The following TTC39C variants were observed in gnomAD, a reference collection of about 807,000 sequenced individuals.
TTC39C encodes tetratricopeptide repeat domain 39C.
TTC39C carries 33 observed loss-of-function variants against 76.3 expected under a neutral mutation model. The ratio of observed to expected loss-of-function variants is 0.43; its 90% confidence interval spans 0.33 to 0.58. TTC39C has a LOEUF of 0.58. TTC39C is among the 20% of genes least tolerant of loss of function. The pLI is 0.04. For missense variants in TTC39C, 595 were observed against 701.4 expected (o/e 0.85, Z 1.71); for synonymous variants, 254 against 260.6 (o/e 0.97, Z 0.24).
At chr18:24,059,347 C>T (rs1464056301) in intron 1 of TTC39C, among the ~76,000 whole-genome samples, 3 of 151,864 alleles carry the variant, frequency 2.0e-5, no homozygotes, top group Non-Finnish European at 4.4e-5. Flanking sequence ...TTATTTTTTC[C>T]AGTCCCCTCC....
rs1401171547 is a variant in TTC39C at position 24,134,313 on chromosome 18, A to G, written c.*1739A>G. 11 of 111,744 alleles carry G rather than the reference A, an allele frequency of 9.8e-5. No individual in the cohort carries two copies. Among genetic ancestry groups the G allele is most frequent in the African/African-American group, 3.1e-4 (9 of 28,790 alleles). 6.9% of individuals were successfully genotyped at this position (111,744 alleles called of 1,614,324 possible). The stretch of plus-strand genomic sequence containing the variant: ...TTTTGAGACGGAGTCTCGCTCTGTC[A>G]CCCAGGCTGGAGTGCAGTGGCGTGA... On this transcript the variant is annotated 3_prime_UTR_variant, in exon 14 of 14. Coordinates refer to ENST00000317571, the MANE Select transcript of TTC39C (RefSeq NM_001135993.2).
At chr18:24,129,196 C>T (rs1195595760) in intron 11 of TTC39C, among the ~76,000 whole-genome samples, 1 of 152,134 alleles carries the variant, frequency 6.6e-6, no homozygotes, top group East Asian at 1.9e-4. Context: ...TAGAATGCTT[C>T]TTTATATATG....
At chr18:24,026,567 C>G (rs1259596592) in intron 1 of TTC39C, among the ~76,000 whole-genome samples, 1 of 152,232 alleles carries the variant, frequency 6.6e-6, no homozygotes, top group Non-Finnish European at 1.5e-5. Flanking sequence ...GTCTCACCCT[C>G]AACCATGACA....
chr18:24,029,573 G>A (rs1227191694), intron 1 of TTC39C, among the ~76,000 whole-genome samples: 1 of 152,208 alleles, frequency 6.6e-6, no homozygotes, highest in Non-Finnish European at 1.5e-5. Flanking sequence ...AAGTTATTTA[G>A]TGGTGATTCC....
upstream of TTC39C, among the ~76,000 whole-genome samples, chr18:24,010,303 T>G (rs1464997731): frequency 1.3e-5 from 2 of 152,272 alleles, no homozygotes; most frequent in Non-Finnish European, 2.9e-5. Context: ...CTGCTGTGAT[T>G]GGCTGAAACT....
chr18:24,023,540 T>C (rs183947297), intron 1 of TTC39C, among the ~76,000 whole-genome samples: 1 of 152,280 alleles, frequency 6.6e-6, no homozygotes, highest in African/African-American at 2.4e-5. Context: ...TTGTGTGCAG[T>C]GACAAGGAGG....
intron 1 of TTC39C, among the ~76,000 whole-genome samples, chr18:24,054,976 T>G (rs1259463480): frequency 2.6e-5 from 4 of 152,250 alleles, no homozygotes; most frequent in Non-Finnish European, 5.9e-5. Flanking sequence ...AGGTACTTCA[T>G]AGAAGTGGAA....
intron 6 of TTC39C, 44 bp downstream of exon 6, chr18:24,083,125 T>A: frequency 6.5e-7 from 1 of 1,543,336 alleles, no homozygotes; most frequent in Non-Finnish European, 8.8e-7. Flanking sequence ...CCTCCGATGA[T>A]CAAATCTCTG....
At chr18:24,110,010 C>CA (rs910571630) in intron 6 of TTC39C, among the ~76,000 whole-genome samples, 17 of 151,572 alleles carry the variant, frequency 1.1e-4, no homozygotes, top group African/African-American at 1.5e-4. Context: ...GACTCTGTCT[C>CA]AAAAAAAACC....
chr18:24,046,969 T>C (rs932007792), intron 1 of TTC39C, among the ~76,000 whole-genome samples: 5 of 151,970 alleles, frequency 3.3e-5, no homozygotes, highest in Non-Finnish European at 7.3e-5. Flanking sequence ...AATACTTAAC[T>C]TTCCCTAAAT....
intron 7 of TTC39C, among the ~76,000 whole-genome samples, chr18:24,115,588 A>G (rs1358387069): frequency 6.6e-6 from 1 of 152,250 alleles, no homozygotes; most frequent in Admixed American, 6.5e-5. Flanking sequence ...GCAGAGGGAC[A>G]GGGAAGTGGA....
At chr18:24,059,639 A>G (rs2084065837) in intron 1 of TTC39C, among the ~76,000 whole-genome samples, 1 of 152,188 alleles carries the variant, frequency 6.6e-6, no homozygotes, top group Non-Finnish European at 1.5e-5. Flanking sequence ...GGTTGATTCC[A>G]TGTCTTTGCT....
intron 8 of TTC39C, among the ~76,000 whole-genome samples, chr18:24,119,376 A>T (rs1348898250): frequency 6.6e-6 from 1 of 152,248 alleles, no homozygotes; most frequent in Non-Finnish European, 1.5e-5. Context: ...ATTCAAGACT[A>T]ATCCAAACAT....
chr18:24,094,874 A>G (rs371783455), intron 6 of TTC39C, among the ~76,000 whole-genome samples: 29 of 152,354 alleles, frequency 1.9e-4, no homozygotes, highest in African/African-American at 7.0e-4. Flanking sequence ...ATGTTAAGTG[A>G]GCATTGTCTT....
At chr18:24,016,274 A>G (rs2083453874) in intron 1 of TTC39C, among the ~76,000 whole-genome samples, 1 of 152,224 alleles carries the variant, frequency 6.6e-6, no homozygotes, top group African/African-American at 2.4e-5. Context: ...TTTAAAGCAT[A>G]CAGGTCTGGT....
At chr18:24,042,341 T>C (rs966331248) in intron 1 of TTC39C, among the ~76,000 whole-genome samples, 11 of 152,184 alleles carry the variant, frequency 7.2e-5, no homozygotes, top group African/African-American at 2.4e-4. Flanking sequence ...GGGATGAAAC[T>C]GTTCCACCTC....
intron 5 of TTC39C, 127 bp from the exon 6 acceptor site, chr18:24,082,786 C>T: frequency 1.1e-6 from 1 of 947,036 alleles, no homozygotes; most frequent in Non-Finnish European, 1.5e-6. Context: ...GATTTTACTT[C>T]TTCAGAGACT....
intron 4 of TTC39C, among the ~76,000 whole-genome samples, chr18:24,070,767 T>C (rs944427086): frequency 1.3e-5 from 2 of 151,440 alleles, no homozygotes; most frequent in African/African-American, 2.4e-5. Context: ...CGCTTGAACA[T>C]GGGAGGTGGG....
chr18:24,090,436 C>A (rs909071980), intron 6 of TTC39C, among the ~76,000 whole-genome samples: 4 of 152,076 alleles, frequency 2.6e-5, no homozygotes, highest in African/African-American at 9.7e-5. Context: ...CAAATTAAAG[C>A]AGTTTAACAT....
Sources: allele counts gnomAD v4.1 joint callset (sites outside exome capture counted in the v4.1 genomes callset), GRCh38; gene constraint gnomAD v4.1.1; transcripts MANE v1.5; gene names NCBI Gene and HGNC (gene_info 2026-07-23, HGNC 2026-07-21).